The following FARS2 variants were observed in gnomAD, a reference collection of about 807,000 sequenced individuals.
FARS2 encodes phenylalanine--tRNA ligase, mitochondrial.
FARS2 carries 40 observed loss-of-function variants against 46.4 expected under a neutral mutation model. That is an observed-to-expected ratio of 0.86 (90% CI 0.67 to 1.12). The LOEUF (loss-of-function observed/expected upper bound fraction) is 1.12. Ranked by LOEUF, FARS2 falls within the 50% of genes most tolerant of loss-of-function variation. FARS2 has a pLI of 0.00. For synonymous variants in FARS2, 234 were observed against 214.9 expected (o/e 1.09, Z -0.78); for missense variants, 513 against 567.9 (o/e 0.90, Z 0.98).
chr6:5,500,209 G>C (rs1767709043), intron 4 of FARS2, among the ~76,000 whole-genome samples: 1 of 152,078 alleles, frequency 6.6e-6, no homozygotes, highest in Non-Finnish European at 1.5e-5. Context: ...TCTCTCCCTA[G>C]AAAACTTTAT....
At chr6:5,742,959 G>C (rs1349468825) in intron 6 of FARS2, among the ~76,000 whole-genome samples, 1 of 151,978 alleles carries the variant, frequency 6.6e-6, no homozygotes, top group African/African-American at 2.4e-5. Flanking sequence ...TGTGTTTCCT[G>C]AAGGCCAGCA....
At chr6:5,434,691 A>G (rs1763419471) in intron 4 of FARS2, among the ~76,000 whole-genome samples, 1 of 152,132 alleles carries the variant, frequency 6.6e-6, no homozygotes, top group Admixed American at 6.5e-5. Context: ...GGTATACTTT[A>G]TCCCACTCGT....
chr6:5,643,590 A>G (rs1776931188), intron 6 of FARS2, among the ~76,000 whole-genome samples: 1 of 152,226 alleles, frequency 6.6e-6, no homozygotes, highest in Non-Finnish European at 1.5e-5. Flanking sequence ...CTACCCTTAT[A>G]TACAAAGATA....
upstream of FARS2, chr6:5,260,941 G>A (rs907722945): frequency 7.5e-5 from 101 of 1,344,256 alleles, no homozygotes; most frequent in Non-Finnish European, 9.1e-5. Context: ...GGCGGGCGCA[G>A]GCAGGGCTCG....
chr6:5,745,191 A>G (rs536942680), intron 6 of FARS2, among the ~76,000 whole-genome samples: 4 of 152,368 alleles, frequency 2.6e-5, no homozygotes, highest in South Asian at 2.1e-4. Context: ...ATGATGCCCA[A>G]TTCTCAGGGA....
chr6:5,321,586 T>A (rs1769978910), intron 1 of FARS2, among the ~76,000 whole-genome samples: 1 of 152,164 alleles, frequency 6.6e-6, no homozygotes, highest in South Asian at 2.1e-4. Flanking sequence ...ACAGGGATAT[T>A]TGCACTAAGC....
chr6:5,321,244 ACT>A (rs1769951513), intron 1 of FARS2, among the ~76,000 whole-genome samples: 1 of 152,128 alleles, frequency 6.6e-6, no homozygotes, highest in Non-Finnish European at 1.5e-5. Context: ...TAAGTATTTG[ACT>A]TGTGTTTTTC....
At chr6:5,482,152 A>G (rs1377873004) in intron 4 of FARS2, among the ~76,000 whole-genome samples, 1 of 151,892 alleles carries the variant, frequency 6.6e-6, no homozygotes, top group Non-Finnish European at 1.5e-5. Flanking sequence ...TTTTTGAATC[A>G]GATGGAAAAT....
At chr6:5,526,398 C>T (rs2150441535) in intron 4 of FARS2, among the ~76,000 whole-genome samples, 1 of 148,530 alleles carries the variant, frequency 6.7e-6, no homozygotes, top group Admixed American at 6.7e-5. Flanking sequence ...ATTGTCATTA[C>T]TTGGGAATTA....
At chr6:5,433,963 C>G (rs1365326695) in intron 4 of FARS2, among the ~76,000 whole-genome samples, 2 of 152,176 alleles carry the variant, frequency 1.3e-5, no homozygotes, top group East Asian at 3.8e-4. Flanking sequence ...GGCTGCTGTT[C>G]TGCAATTAGA....
rs368691669 is a variant in FARS2 at position 5,574,309 on chromosome 6, A to G, written c.1065+28969A>G. On this transcript the variant is annotated intron_variant, in intron 5 of 6. Transcript: ENST00000274680. Reference sequence around the variant, plus strand: ...CCAGCTAATTTTTTGTATTTTTAGTAGAGATGGGGTTTCACCGTGTTAGCC... The same window carrying G: ...CCAGCTAATTTTTTGTATTTTTAGTGGAGATGGGGTTTCACCGTGTTAGCC... 3.3e-5 allele frequency among the ~76,000 whole-genome samples: 5 copies of G among 152,208 alleles called. No individual in the cohort carries two copies. In the South Asian group the frequency reaches 1.0e-3, roughly 32 times the overall value.
chr6:5,337,155 G>A (rs939158409), intron 1 of FARS2, among the ~76,000 whole-genome samples: 2 of 150,206 alleles, frequency 1.3e-5, no homozygotes, highest in African/African-American at 4.9e-5. Context: ...ATATATGTAT[G>A]TGTGTGTGTA....
At chr6:5,468,122 G>A (rs1765613665) in intron 4 of FARS2, among the ~76,000 whole-genome samples, 1 of 152,090 alleles carries the variant, frequency 6.6e-6, no homozygotes, top group Admixed American at 6.5e-5. Flanking sequence ...CAAGAGTTAT[G>A]GTGACATGTT....
chr6:5,671,288 A>G (rs1778443192), intron 6 of FARS2, among the ~76,000 whole-genome samples: 1 of 152,246 alleles, frequency 6.6e-6, no homozygotes, highest in Non-Finnish European at 1.5e-5. Flanking sequence ...TCAGAGCATG[A>G]CGTAAGAGTT....
chr6:5,560,753 A>G (rs1004209933), intron 5 of FARS2, among the ~76,000 whole-genome samples: 21 of 152,184 alleles, frequency 1.4e-4, no homozygotes, highest in Admixed American at 6.5e-4. Flanking sequence ...TTATTAGGCT[A>G]TTCACATTTT....
At chr6:5,321,023 A>C (rs1489594715) in intron 1 of FARS2, among the ~76,000 whole-genome samples, 1 of 152,230 alleles carries the variant, frequency 6.6e-6, no homozygotes, top group East Asian at 1.9e-4. Flanking sequence ...CATAAGATTC[A>C]TCTCTCAACT....
intron 6 of FARS2, among the ~76,000 whole-genome samples, chr6:5,707,219 C>T (rs531794870): frequency 4.6e-5 from 7 of 152,236 alleles, no homozygotes; most frequent in African/African-American, 1.2e-4. Flanking sequence ...TACCCCAAGC[C>T]GAGCTGGCAA....
At chr6:5,693,468 C>T (rs984314673) in intron 6 of FARS2, among the ~76,000 whole-genome samples, 1 of 152,138 alleles carries the variant, frequency 6.6e-6, no homozygotes. Context: ...GCGGCTAATG[C>T]GTTTGCATTG....
At chr6:5,571,668 AACTCAG>A (rs532685157) in intron 5 of FARS2, among the ~76,000 whole-genome samples, 7 of 152,282 alleles carry the variant, frequency 4.6e-5, no homozygotes, top group South Asian at 2.1e-4. Flanking sequence ...GTGCCCCAGT[AACTCAG>A]TCTTCTGTGA....
Sources: gnomAD v4.1 joint callset for allele counts (sites outside exome capture counted in the v4.1 genomes callset) on GRCh38, gnomAD v4.1.1 for gene constraint, MANE v1.5 for transcripts, NCBI Gene and HGNC (gene_info 2026-07-23, HGNC 2026-07-21) for gene names.